Variants in FREM1 observed in about 807,000 individuals in gnomAD.
The protein encoded by FREM1 is FRAS1-related extracellular matrix protein 1.
FREM1 carries 220 observed loss-of-function variants against 210.1 expected under a neutral mutation model. The observed-to-expected ratio is 1.05, with a 90% CI of 0.94 to 1.17. The LOEUF is 1.17. FREM1 is among the 50% of genes most tolerant of loss of function. The pLI is 0.00. For missense variants in FREM1, 3,454 were observed against 2,675.5 expected, an observed-to-expected ratio of 1.29 and a Z score of -6.42; for synonymous variants, 1,189 against 980.2, an observed-to-expected ratio of 1.21 and a Z score of -3.98.
intron 5 of FREM1, among the ~76,000 whole-genome samples, chr9:14,856,087 T>A (rs1201397698): frequency 6.6e-6 from 1 of 152,176 alleles, no homozygotes; most frequent in Non-Finnish European, 1.5e-5. Flanking sequence ...TTTTACTGGG[T>A]GACTTTTAAA....
rs371449178 is a variant in FREM1, at chr9:14,801,772, G to A, written c.3574C>T (p.Arg1192Cys). ...ALLFSITQKP[R>C]HGLLIDRGFS... ...CCCCTATCGATGAGGAGGCCATGGC[G>A]TGGCTTTTGAGTGATGCTGAACAGC... Residue 1192 changes from arginine to cysteine, a missense_variant, in exon 20 of 37, where the codon CGC (arginine) becomes TGC (cysteine). Coordinates refer to ENST00000380880, the MANE Select transcript of FREM1 (RefSeq NM_001379081.2). 3.3e-5 allele frequency: 53 copies of A among 1,613,908 alleles called. No individual in the cohort carries two copies. The highest frequency in any genetic ancestry group is 2.0e-4 in the African/African-American group (15 of 75,048).
At position 14,868,875 on chromosome 9, in the gene FREM1, T is replaced by C; in HGVS notation, c.103A>G (p.Met35Val). The change falls in exon 2 of 37, where the codon ATG becomes GTG. Residue 35 changes from methionine to valine, a missense_variant. By Grantham distance (21) the Met-to-Val change is conservative. Coordinates refer to ENST00000380880, the MANE Select transcript of FREM1 (RefSeq NM_001379081.2). ...GACAGGAAGGCAGAGTGGCCCTTCA[T>C]CACCCTCACCCCGCGGTTGATGCTG... The part of the protein sequence containing the change: ...FISINRGVRV[M>V]KGHSAFLSGD... The C allele has an allele frequency of 1.6e-5, 25 of 1,607,844 alleles. No individual in the cohort carries two copies. The highest frequency in any genetic ancestry group is 2.1e-5 in the Non-Finnish European group (25 of 1,177,076).
At chr9:14,848,850 C>T in intron 6 of FREM1, 77 bp from the exon 7 acceptor site, 1 of 793,262 alleles carries the variant, frequency 1.3e-6, no homozygotes, top group South Asian at 1.7e-5. Context: ...GGGTTATACC[C>T]ACACACAGTG....
rs757382702 is a variant in FREM1, at chr9:14,825,561, A to ATATATATATATG, written c.1882-570_1882-569insCATATATATATA. On this transcript the variant is annotated intron_variant, in intron 10 of 36. Coordinates refer to ENST00000380880, the MANE Select transcript of FREM1 (RefSeq NM_001379081.2). The stretch of plus-strand genomic sequence containing the variant: ...TGTGTGTGTGTGTATATATATATAT[A>ATATATATATATG]TATATATATACCACAATTATAGTGA... Among the ~76,000 whole-genome samples, 685 of 129,182 alleles carry ATATATATATATG rather than the reference A, an allele frequency of 5.3e-3. 25 individuals are homozygous for ATATATATATATG. Among genetic ancestry groups the ATATATATATATG allele is most frequent in the African/African-American group, 0.02 (635 of 32,056 alleles). The allele number at this position is 129,182 out of a possible 152,430, so 84.7% of individuals were successfully genotyped here.
rs200901721 is a variant in FREM1 at position 14,775,999 on chromosome 9, G to A, written c.4647C>T (p.Leu1549=). ...AENLTFLLVQ[L]PQHGQLYLWG... is the part of the protein sequence containing the mutation. ...ACAGGTAGAGCTGGCCATGCTGGGGGAGCTGAACCAAGAGGAAGGTGAGGT... is the reference window on the plus strand; with the variant it reads ...ACAGGTAGAGCTGGCCATGCTGGGGAAGCTGAACCAAGAGGAAGGTGAGGT... Residue 1549 remains leucine (L), a synonymous_variant, in exon 25 of 37, where the codon CTC becomes CTT. Coordinates refer to ENST00000380880, the MANE Select transcript of FREM1 (RefSeq NM_001379081.2). 1.2e-6 allele frequency: 2 copies of A among 1,614,022 alleles called. No homozygotes were observed. The highest frequency in any genetic ancestry group is 1.3e-5 in the African/African-American group (1 of 75,066).
intron 1 of FREM1, among the ~76,000 whole-genome samples, chr9:14,899,260 C>T (rs1343690953): frequency 6.6e-6 from 1 of 151,456 alleles, no homozygotes; most frequent in African/African-American, 2.4e-5. Context: ...TGTGGCTGCA[C>T]ACCCATGCCA....
intron 24 of FREM1, among the ~76,000 whole-genome samples, chr9:14,782,026 G>A (rs531625022): frequency 6.6e-6 from 1 of 152,272 alleles, no homozygotes; most frequent in East Asian, 1.9e-4. Context: ...AATTCTTGAG[G>A]CTCCTCAGAA....
chr9:14,797,571 C>G lies in FREM1; in HGVS notation c.3766G>C (p.Gly1256Arg). 6.2e-7 allele frequency: 1 copy of G among 1,612,250 alleles called. No homozygotes were observed. The highest frequency in any genetic ancestry group is 1.3e-5 in the African/African-American group (1 of 74,990). ...ATGGTTTTAAGTATCTTATGTTTCCCATCTGACAATTGGATTGTAAAATCA... is the reference window on the plus strand; with the variant it reads ...ATGGTTTTAAGTATCTTATGTTTCCGATCTGACAATTGGATTGTAAAATCA... ...ADDFTIQLSDGKHKILKTISV... is the reference protein window; with the variant it reads ...ADDFTIQLSDRKHKILKTISV... Residue 1256 changes from glycine to arginine, a missense_variant, in exon 21 of 37, where the codon GGG becomes CGG. Physicochemically the swap from Gly to Arg is moderately radical, Grantham distance 125. Coordinates refer to ENST00000380880, the MANE Select transcript of FREM1 (RefSeq NM_001379081.2).
rs1271308511 is a variant in FREM1, at chr9:14,737,327, C to G, written c.*69G>C. 4 of 1,175,760 alleles carry G rather than the reference C, an allele frequency of 3.4e-6. No individual in the cohort carries two copies. The highest frequency in any genetic ancestry group is 4.9e-6 in the Non-Finnish European group (4 of 814,696). 72.8% of individuals were successfully genotyped at this position (1,175,760 alleles called of 1,614,324 possible). The stretch of plus-strand genomic sequence containing the variant: ...TCATAACAATTTGTTTTCTATGGAG[C>G]AATATTCACAGATCCTGTGAATAAA... On this transcript the variant is annotated 3_prime_UTR_variant, in exon 37 of 37. Coordinates refer to ENST00000380880, the MANE Select transcript of FREM1 (RefSeq NM_001379081.2).
chr9:14,761,874 C>T (rs1054118586), intron 27 of FREM1, among the ~76,000 whole-genome samples: 1 of 152,190 alleles, frequency 6.6e-6, no homozygotes, highest in Non-Finnish European at 1.5e-5. Flanking sequence ...ATCATGGCCC[C>T]AAAGTGCAAG....
chr9:14,784,514 A>G lies in FREM1; in HGVS notation c.4298T>C (p.Ile1433Thr), dbSNP rs1419923536. Residue 1433 changes from isoleucine to threonine, a missense_variant, in exon 24 of 37, where the codon ATC (isoleucine) becomes ACC (threonine). Ile to Thr is a moderately conservative substitution (Grantham distance 89). Coordinates refer to ENST00000380880, the MANE Select transcript of FREM1 (RefSeq NM_001379081.2). ...CTGGCCATATCGCGGAGGGGAGGTGATGACATAGAGCAGTTCCTCAGGCTT... is the reference window on the plus strand; with the variant it reads ...CTGGCCATATCGCGGAGGGGAGGTGGTGACATAGAGCAGTTCCTCAGGCTT... Reference protein sequence around the residue: ...TDKPEELLYVITSPPRYGQIE... With the variant: ...TDKPEELLYVTTSPPRYGQIE... The G allele has an allele frequency of 6.2e-7, 1 of 1,613,876 alleles. No homozygotes were observed. The highest frequency in any genetic ancestry group is 1.1e-5 in the South Asian group (1 of 91,066).
At chr9:14,806,557 T>C in intron 18 of FREM1, 104 bp downstream of exon 18, 2 of 751,540 alleles carry the variant, frequency 2.7e-6, no homozygotes, top group Non-Finnish European at 4.5e-6. Flanking sequence ...CCCGGTGCTT[T>C]AAACATTTTG....
chr9:14,801,820 G>C lies in FREM1; in HGVS notation c.3526C>G (p.Leu1176Val). 6.2e-7 allele frequency: 1 copy of C among 1,613,942 alleles called. No homozygotes were observed. Among genetic ancestry groups the C allele is most frequent in the Admixed American group, 1.7e-5 (1 of 60,012 alleles). ...AGCAGGGCATCCTGGGGAATGTCCA[G>C]GTCCACAGCGCTGATGATGGAAGAG... ...LDSSIISAVDLDIPQDALLFS... is the reference protein window; with the variant it reads ...LDSSIISAVDVDIPQDALLFS... The change falls in exon 20 of 37, where the codon CTG becomes GTG. Residue 1176 changes from leucine (L) to valine (V), a missense_variant. By Grantham distance (32) the Leu-to-Val change is conservative. Coordinates refer to ENST00000380880, the MANE Select transcript of FREM1 (RefSeq NM_001379081.2).
At chr9:14,757,925 A>T (rs1844732135) in intron 28 of FREM1, among the ~76,000 whole-genome samples, 1 of 152,200 alleles carries the variant, frequency 6.6e-6, no homozygotes, top group South Asian at 2.1e-4. Flanking sequence ...AGCCCATTAT[A>T]CACCTGTATC....
At chr9:14,746,811 T>C (rs1350090661) in intron 34 of FREM1, 112 bp downstream of exon 34, 5 of 1,301,800 alleles carry the variant, frequency 3.8e-6, no homozygotes, top group Non-Finnish European at 3.1e-6. Context: ...TTGTTAACAA[T>C]GGCAGGAAGA....
chr9:14,774,234 G>A (rs1450966154), intron 25 of FREM1: 3 of 501,212 alleles, frequency 6.0e-6, no homozygotes, highest in Admixed American at 2.1e-5. Context: ...AACTTTGCAG[G>A]GTGTGTATTA....
intron 10 of FREM1, among the ~76,000 whole-genome samples, chr9:14,832,348 C>T (rs971588068): frequency 6.6e-6 from 1 of 152,126 alleles, no homozygotes; most frequent in Non-Finnish European, 1.5e-5. Context: ...AGGTATTTGA[C>T]CGTACACAGA....
intron 25 of FREM1, among the ~76,000 whole-genome samples, chr9:14,773,188 G>A (rs911635177): frequency 1.3e-5 from 2 of 151,948 alleles, no homozygotes; most frequent in African/African-American, 2.4e-5. Context: ...CATTTTTCTC[G>A]CTCACCTGAC....
chr9:14,794,145 T>G (rs952939653), intron 21 of FREM1, among the ~76,000 whole-genome samples: 18 of 152,192 alleles, frequency 1.2e-4, no homozygotes, highest in African/African-American at 4.1e-4. Context: ...TGTCATAATC[T>G]AGGTTATCCT....
Sources: allele counts gnomAD v4.1 joint callset (sites outside exome capture counted in the v4.1 genomes callset), GRCh38; gene constraint gnomAD v4.1.1; transcripts MANE v1.5; gene names NCBI Gene and HGNC (gene_info 2026-07-23, HGNC 2026-07-21).